Variants in RBM33 observed in about 807,000 individuals in gnomAD.
RBM33 encodes RNA binding motif protein 33.
A neutral mutation model predicts 132.6 loss-of-function variants in RBM33; 28 were observed. The observed-to-expected ratio is 0.21, with a 90% CI of 0.16 to 0.29. The LOEUF (loss-of-function observed/expected upper bound fraction) is 0.29, where lower values mean the gene tolerates loss of function less well. RBM33 is among the 10% of genes least tolerant of loss of function. The pLI is 1.00. For missense variants in RBM33, 1,291 were observed against 1,518.5 expected (o/e 0.85, Z 2.49); for synonymous variants, 634 against 593.0 (o/e 1.07, Z -1.01).
intron 5 of RBM33, among the ~76,000 whole-genome samples, chr7:155,693,549 G>T (rs1424381716): frequency 2.2e-4 from 34 of 151,754 alleles, no homozygotes; most frequent in Non-Finnish European, 5.0e-4. Flanking sequence ...TTTTTAAAAG[G>T]TATTCGTATA....
chr7:155,769,380 C>T (rs963272006), intron 16 of RBM33, among the ~76,000 whole-genome samples: 3 of 152,098 alleles, frequency 2.0e-5, no homozygotes, highest in Admixed American at 6.5e-5. Flanking sequence ...CTGGCTGGGC[C>T]CTAGTGACCG....
intron 1 of RBM33, among the ~76,000 whole-genome samples, chr7:155,664,797 G>A (rs1429505698): frequency 6.6e-6 from 1 of 151,898 alleles, no homozygotes; most frequent in Non-Finnish European, 1.5e-5. Context: ...AAAGTGTGAC[G>A]ATTACAAAAA....
At position 155,777,241 on chromosome 7, in the gene RBM33, A is replaced by T. The variant is rs1802643498; in HGVS notation, c.*2200A>T. The T allele has an allele frequency of 6.6e-6, 1 of 152,622 alleles. No individual in the cohort carries two copies. The highest frequency in any genetic ancestry group is 1.9e-4 in the East Asian group (1 of 5,180). 9.5% of individuals were successfully genotyped at this position (152,622 alleles called of 1,614,324 possible). A position where few individuals can be genotyped will look rare whatever the true frequency, so the allele number is the denominator to read the frequency against. On this transcript the variant is annotated 3_prime_UTR_variant, in exon 18 of 18. Coordinates refer to ENST00000401878, the MANE Select transcript of RBM33 (RefSeq NM_053043.3). ...GGAAGGTCTGTTTTGGTGTTACCTG[A>T]GTGTGACACAGGCCCTGGGGTGTGC... is the stretch of plus-strand genomic sequence containing the variant.
intron 11 of RBM33, chr7:155,738,936 C>T (rs1459423253): frequency 1.9e-5 from 3 of 155,598 alleles, no homozygotes; most frequent in Non-Finnish European, 4.3e-5. Flanking sequence ...CATGGGTTGA[C>T]ATGCGTCTGT....
At chr7:155,669,976 A>G (rs1439047583) in intron 2 of RBM33, among the ~76,000 whole-genome samples, 2 of 152,210 alleles carry the variant, frequency 1.3e-5, no homozygotes, top group East Asian at 1.9e-4. Context: ...CAGAGCAGGC[A>G]GGTAAGACGG....
intron 14 of RBM33, among the ~76,000 whole-genome samples, chr7:155,753,654 C>G (rs1160313813): frequency 6.6e-6 from 1 of 152,206 alleles, no homozygotes. Flanking sequence ...GGATTTCCAA[C>G]AGGCCAGTTC....
chr7:155,753,406 TGTGA>T (rs1168713048), intron 14 of RBM33, among the ~76,000 whole-genome samples: 3 of 152,250 alleles, frequency 2.0e-5, no homozygotes, highest in African/African-American at 7.2e-5. Flanking sequence ...GCCTCCACCT[TGTGA>T]GTGTCATTCA....
In RBM33 at chr7:155,763,802, G is replaced by C; in HGVS notation, c.2980-10G>C. The C allele has an allele frequency of 6.2e-7, 1 of 1,605,122 alleles. No individual in the cohort carries two copies. The highest frequency in any genetic ancestry group is 8.5e-7 in the Non-Finnish European group (1 of 1,175,900). ...CACTGAACAACGTGCTGCCTTCTTG[G>C]TTTCAGCAGGGAGGAGAGAGCGATG... On this transcript the variant is annotated splice_polypyrimidine_tract_variant and intron_variant, in intron 14 of 17. Coordinates refer to ENST00000401878, the MANE Select transcript of RBM33 (RefSeq NM_053043.3).
At chr7:155,692,385 C>T (rs1563146468) in intron 5 of RBM33, among the ~76,000 whole-genome samples, 1 of 152,150 alleles carries the variant, frequency 6.6e-6, no homozygotes, top group Non-Finnish European at 1.5e-5. Context: ...CACTGCCTGT[C>T]CTTTGTTCCG....
chr7:155,670,093 T>C (rs1798906015), intron 2 of RBM33, among the ~76,000 whole-genome samples: 1 of 152,236 alleles, frequency 6.6e-6, no homozygotes, highest in African/African-American at 2.4e-5. Flanking sequence ...CAACAAATAC[T>C]TGTTTCCTGA....
intron 9 of RBM33, among the ~76,000 whole-genome samples, chr7:155,723,977 G>A (rs1800702362): frequency 1.3e-5 from 2 of 152,096 alleles, no homozygotes; most frequent in South Asian, 4.2e-4. Flanking sequence ...CGGATATAGA[G>A]TGCTATATAT....
chr7:155,739,418 T>G, intron 11 of RBM33: 1 of 347,748 alleles, frequency 2.9e-6, no homozygotes. Context: ...TTCAGTACTT[T>G]AGTATCATAG....
At chr7:155,750,811 A>T (rs761396672) in intron 14 of RBM33, among the ~76,000 whole-genome samples, 2 of 151,468 alleles carry the variant, frequency 1.3e-5, no homozygotes, top group Non-Finnish European at 2.9e-5. Flanking sequence ...GCTTTATTCT[A>T]ATCAAGTTAA....
chr7:155,709,543 C>G (rs1435768442), intron 7 of RBM33, among the ~76,000 whole-genome samples: 1 of 152,204 alleles, frequency 6.6e-6, no homozygotes, highest in Non-Finnish European at 1.5e-5. Context: ...CTGTACCTCT[C>G]CAGACACATG....
intron 1 of RBM33, among the ~76,000 whole-genome samples, chr7:155,646,056 A>G (rs1051798082): frequency 9.9e-5 from 15 of 152,226 alleles, no homozygotes; most frequent in East Asian, 1.9e-4. Context: ...TAGTTCACCT[A>G]TCTTTCTGGG....
intron 11 of RBM33, chr7:155,739,446 T>G (rs1486084673): frequency 4.3e-6 from 2 of 464,976 alleles, no homozygotes; most frequent in East Asian, 8.0e-5. Context: ...GGGAACATGC[T>G]TTAGAGTTAT....
intron 2 of RBM33, among the ~76,000 whole-genome samples, chr7:155,668,230 ATG>A (rs1204278651): frequency 6.6e-6 from 1 of 152,136 alleles, no homozygotes; most frequent in African/African-American, 2.4e-5. Context: ...CAGTGTGGAT[ATG>A]TGTCTGTGTG....
chr7:155,670,371 A>G (rs1798912851), intron 2 of RBM33, among the ~76,000 whole-genome samples: 1 of 152,224 alleles, frequency 6.6e-6, no homozygotes, highest in African/African-American at 2.4e-5. Flanking sequence ...GATGGAGACC[A>G]GTCATTTCCA....
At chr7:155,685,718 T>C (rs1187746381) in intron 5 of RBM33, among the ~76,000 whole-genome samples, 1 of 152,238 alleles carries the variant, frequency 6.6e-6, no homozygotes, top group Non-Finnish European at 1.5e-5. Flanking sequence ...AAATAGTTGC[T>C]GTTCTCTTAC....
Sources: gnomAD v4.1 joint callset for allele counts (sites outside exome capture counted in the v4.1 genomes callset) on GRCh38, gnomAD v4.1.1 for gene constraint, MANE v1.5 for transcripts, NCBI Gene and HGNC (gene_info 2026-07-23, HGNC 2026-07-21) for gene names.